ADAMTS17: variants seen among roughly 807,000 people sequenced by gnomAD.
The protein encoded by ADAMTS17 is A disintegrin and metalloproteinase with thrombospondin motifs 17.
A neutral mutation model predicts 141.5 loss-of-function variants in ADAMTS17; 113 were observed. That is an observed-to-expected ratio of 0.80 (90% CI 0.69 to 0.93). The LOEUF (loss-of-function observed/expected upper bound fraction) is 0.93. Among genes scored for constraint, ADAMTS17 ranks in the 40% least tolerant of loss-of-function variants. The pLI is 0.00. For missense variants in ADAMTS17, 1,659 were observed against 1,517.9 expected (o/e 1.09, Z -1.54); for synonymous variants, 768 against 630.6 (o/e 1.22, Z -3.27).
intron 7 of ADAMTS17, among the ~76,000 whole-genome samples, chr15:100,217,821 G>T (rs907621659): frequency 6.6e-6 from 1 of 152,134 alleles, no homozygotes; most frequent in Admixed American, 6.5e-5. Flanking sequence ...AATACATGAA[G>T]AATCCTTACA....
intron 15 of ADAMTS17, among the ~76,000 whole-genome samples, chr15:100,088,900 A>C (rs946595676): frequency 3.3e-5 from 5 of 152,170 alleles, no homozygotes; most frequent in African/African-American, 1.2e-4. Flanking sequence ...AAGAAAACCT[A>C]GTCATTACCA....
chr15:100,006,953 C>T (rs976590786), intron 18 of ADAMTS17, among the ~76,000 whole-genome samples: 6 of 152,330 alleles, frequency 3.9e-5, no homozygotes, highest in Middle Eastern at 3.4e-3. Flanking sequence ...ACGGTCAACC[C>T]GCTCAGTCTC....
intron 12 of ADAMTS17, among the ~76,000 whole-genome samples, chr15:100,117,258 C>G (rs2037196332): frequency 6.6e-6 from 1 of 150,996 alleles, no homozygotes; most frequent in South Asian, 2.1e-4. Context: ...AAAAAGAAGG[C>G]AGTGAGTATG....
chr15:100,245,553 T>C (rs2042961368), intron 7 of ADAMTS17, among the ~76,000 whole-genome samples: 1 of 152,216 alleles, frequency 6.6e-6, no homozygotes, highest in Admixed American at 6.5e-5. Context: ...ACCTACATAT[T>C]TTCACCATTT....
At chr15:100,010,895 T>G (rs949167946) in intron 18 of ADAMTS17, among the ~76,000 whole-genome samples, 2 of 152,166 alleles carry the variant, frequency 1.3e-5, no homozygotes, top group African/African-American at 4.8e-5. Context: ...TGAGTTCTCA[T>G]ATACATTTCC....
chr15:100,124,676 T>C (rs2037632729), intron 12 of ADAMTS17, among the ~76,000 whole-genome samples: 1 of 152,252 alleles, frequency 6.6e-6, no homozygotes, highest in South Asian at 2.1e-4. Flanking sequence ...TGAGCAATAC[T>C]GTGCACGGAG....
At position 100,180,741 on chromosome 15, in the gene ADAMTS17, GGTTAA is replaced by G. The variant is rs544898990; in HGVS notation, c.1181+18572_1181+18576del. On this transcript the variant is annotated intron_variant, in intron 8 of 21. Transcript: ENST00000268070. ...CATTACAGAGATCTTTTACTTCTTT[GGTTAA>G]GTTAATTCTTAGGTATTTTATTTGT... Among the ~76,000 whole-genome samples, 20 of 152,144 alleles carry G rather than the reference GGTTAA, an allele frequency of 1.3e-4. No homozygotes were observed. In the South Asian group the frequency reaches 4.2e-3, roughly 32 times the overall value.
chr15:100,327,461 G>T (rs926011000), intron 3 of ADAMTS17, among the ~76,000 whole-genome samples: 1 of 152,168 alleles, frequency 6.6e-6, no homozygotes, highest in East Asian at 1.9e-4. Flanking sequence ...TCAGCATGTT[G>T]CAGGATTCCT....
chr15:100,016,202 T>C (rs1350442170), intron 18 of ADAMTS17, among the ~76,000 whole-genome samples: 4 of 152,242 alleles, frequency 2.6e-5, no homozygotes, highest in Non-Finnish European at 5.9e-5. Flanking sequence ...GTCCAATGTT[T>C]CCTGAAGTTT....
chr15:100,205,296 A>G (rs568745266), intron 7 of ADAMTS17, among the ~76,000 whole-genome samples: 45 of 152,326 alleles, frequency 3.0e-4, no homozygotes, highest in African/African-American at 9.6e-4. Context: ...GTGGAGGAAT[A>G]AATTGGCCCT....
chr15:100,305,516 CG>C (rs1414374969), intron 3 of ADAMTS17, among the ~76,000 whole-genome samples: 1 of 152,244 alleles, frequency 6.6e-6, no homozygotes, highest in Non-Finnish European at 1.5e-5. Context: ...CCCTGGTTCA[CG>C]TCCCATCTCA....
At chr15:100,004,095 G>A (rs898817414) in intron 18 of ADAMTS17, among the ~76,000 whole-genome samples, 1 of 152,234 alleles carries the variant, frequency 6.6e-6, no homozygotes, top group Admixed American at 6.5e-5. Context: ...AAGAAAAGTC[G>A]CAGAAGCGAA....
chr15:100,299,285 C>A (rs989599290), intron 3 of ADAMTS17, among the ~76,000 whole-genome samples: 24 of 151,364 alleles, frequency 1.6e-4, no homozygotes, highest in Non-Finnish European at 3.4e-4. Context: ...CACGCCCGGA[C>A]GTCAGGGTGT....
chr15:100,197,369 T>A (rs2041159457), intron 8 of ADAMTS17, among the ~76,000 whole-genome samples: 1 of 152,200 alleles, frequency 6.6e-6, no homozygotes, highest in Non-Finnish European at 1.5e-5. Context: ...CATCCTGCAT[T>A]CTCATAATCA....
chr15:100,322,893 C>T (rs905435344), intron 3 of ADAMTS17, among the ~76,000 whole-genome samples: 1 of 152,052 alleles, frequency 6.6e-6, no homozygotes, highest in Non-Finnish European at 1.5e-5. Context: ...CAAGACCATC[C>T]TGGTCAACAT....
chr15:100,058,414 T>C (rs2032826987), intron 15 of ADAMTS17, among the ~76,000 whole-genome samples: 1 of 130,132 alleles, frequency 7.7e-6, no homozygotes, highest in Non-Finnish European at 1.6e-5. Context: ...CTTTCTCCAC[T>C]GGCCTTGTTT....
At chr15:100,338,314 C>T (rs1310148174) in intron 2 of ADAMTS17, among the ~76,000 whole-genome samples, 3 of 152,210 alleles carry the variant, frequency 2.0e-5, no homozygotes, top group Non-Finnish European at 4.4e-5. Flanking sequence ...AGACAGCAAA[C>T]ATCTCTGGAG....
chr15:100,057,334 C>A (rs116228287), intron 15 of ADAMTS17, among the ~76,000 whole-genome samples: 2,159 of 152,252 alleles, frequency 0.014, 47 homozygotes, highest in African/African-American at 0.048. Context: ...CAGAGATGAG[C>A]AAATGATTTC....
intron 18 of ADAMTS17, among the ~76,000 whole-genome samples, chr15:100,032,295 G>A (rs532517251): frequency 2.0e-5 from 3 of 152,246 alleles, no homozygotes; most frequent in African/African-American, 4.8e-5. Flanking sequence ...GAAGGCACCC[G>A]TCAGCACCTC....
Sources: allele counts gnomAD v4.1 joint callset (sites outside exome capture counted in the v4.1 genomes callset), GRCh38; gene constraint gnomAD v4.1.1; transcripts MANE v1.5; gene names NCBI Gene and HGNC (gene_info 2026-07-23, HGNC 2026-07-21).